XIRP2: variants seen among roughly 807,000 people sequenced by gnomAD.
XIRP2 encodes the protein xin actin-binding repeat-containing protein 2.
Under a neutral mutation model 277.0 loss-of-function variants are expected in XIRP2, and 236 were observed. The ratio of observed to expected loss-of-function variants is 0.85; its 90% CI spans 0.77 to 0.95. The LOEUF (loss-of-function observed/expected upper bound fraction) is 0.95. Ranked by LOEUF, XIRP2 falls within the 40% of genes least tolerant of loss-of-function variation. The pLI, the probability that XIRP2 is intolerant of heterozygous loss-of-function variation, is 0.00. For missense variants in XIRP2, 4,640 were observed against 4,157.5 expected (o/e 1.12, Z -3.19); for synonymous variants, 1,490 against 1,416.5 (o/e 1.05, Z -1.17).
At chr2:167,007,087 G>T (rs1687524028) in intron 2 of XIRP2, among the ~76,000 whole-genome samples, 1 of 151,526 alleles carries the variant, frequency 6.6e-6, no homozygotes, top group South Asian at 2.1e-4. Context: ...TCTCTTATTT[G>T]CAAATCTTTT....
chr2:167,039,373 G>T (rs1389186999), intron 2 of XIRP2, among the ~76,000 whole-genome samples: 4 of 152,108 alleles, frequency 2.6e-5, no homozygotes, highest in Non-Finnish European at 5.9e-5. Flanking sequence ...CACTCTGCTA[G>T]GCATTGCTGT....
intron 2 of XIRP2, among the ~76,000 whole-genome samples, chr2:166,915,376 C>G (rs891180612): frequency 1.3e-5 from 2 of 150,560 alleles, no homozygotes; most frequent in Non-Finnish European, 3.0e-5. Flanking sequence ...GTGGGATACA[C>G]TTGCTTCAAT....
intron 2 of XIRP2, among the ~76,000 whole-genome samples, chr2:166,955,627 A>G (rs904747996): frequency 1.3e-5 from 2 of 151,874 alleles, no homozygotes; most frequent in African/African-American, 4.8e-5. Flanking sequence ...GCGTAGTTTG[A>G]ATAGTTGCCG....
At chr2:167,257,757 TAA>T (rs1695700936) in intron 10 of XIRP2, 98 bp from the exon 11 acceptor site, 3 of 1,234,580 alleles carry the variant, frequency 2.4e-6, no homozygotes, top group Admixed American at 2.8e-5. Context: ...GCTAGTAACT[TAA>T]GTTTACTAGT....
At chr2:167,058,601 G>C (rs2105236947) in intron 2 of XIRP2, among the ~76,000 whole-genome samples, 1 of 152,216 alleles carries the variant, frequency 6.6e-6, no homozygotes, top group Non-Finnish European at 1.5e-5. Context: ...TCTCACCACT[G>C]GTGCCTCTCC....
chr2:166,971,590 C>A (rs986307148), intron 2 of XIRP2, among the ~76,000 whole-genome samples: 1 of 151,848 alleles, frequency 6.6e-6, no homozygotes, highest in Non-Finnish European at 1.5e-5. Context: ...ATAATTAGTT[C>A]TTTTTTGAAT....
At chr2:167,089,008 G>A (rs977801974) in intron 2 of XIRP2, among the ~76,000 whole-genome samples, 4 of 152,122 alleles carry the variant, frequency 2.6e-5, no homozygotes, top group African/African-American at 9.7e-5. Context: ...CTCAACAAAT[G>A]TTTGGTAAAT....
chr2:167,252,727 A>G (rs866549200), intron 9 of XIRP2, among the ~76,000 whole-genome samples: 1 of 152,112 alleles, frequency 6.6e-6, no homozygotes, highest in Non-Finnish European at 1.5e-5. Flanking sequence ...ATGAGGCTTC[A>G]TGATAAAAGA....
chr2:167,110,327 T>C (rs1286016655), intron 2 of XIRP2, among the ~76,000 whole-genome samples: 1 of 152,208 alleles, frequency 6.6e-6, no homozygotes, highest in Non-Finnish European at 1.5e-5. Flanking sequence ...CTTTAATCCA[T>C]CTGGAGTTGA....
At chr2:166,950,772 T>C (rs1207107791) in intron 2 of XIRP2, among the ~76,000 whole-genome samples, 1 of 152,054 alleles carries the variant, frequency 6.6e-6, no homozygotes, top group Non-Finnish European at 1.5e-5. Context: ...TGATTTCTTC[T>C]TGTTGTTATG....
chr2:167,134,732 CACA>C (rs1691491682), intron 2 of XIRP2, among the ~76,000 whole-genome samples: 1 of 152,076 alleles, frequency 6.6e-6, no homozygotes, highest in Non-Finnish European at 1.5e-5. Flanking sequence ...GTAAGAGATT[CACA>C]ACAATAACTC....
chr2:167,110,873 T>C (rs1003573564), intron 2 of XIRP2, among the ~76,000 whole-genome samples: 1 of 152,086 alleles, frequency 6.6e-6, no homozygotes, highest in Admixed American at 6.6e-5. Flanking sequence ...ATTATCATTA[T>C]GGAGAAATTT....
chr2:166,986,480 C>T (rs565496350), intron 2 of XIRP2, among the ~76,000 whole-genome samples: 3 of 152,244 alleles, frequency 2.0e-5, no homozygotes, highest in East Asian at 1.9e-4. Context: ...TGTTGCTAGC[C>T]GCATAGCTAT....
chr2:166,996,676 G>GAATAGATATATATAGA (rs1687230034), intron 2 of XIRP2, among the ~76,000 whole-genome samples: 1 of 152,088 alleles, frequency 6.6e-6, no homozygotes, highest in Non-Finnish European at 1.5e-5. Context: ...CATTTTTTCA[G>GAATAGATATATATAGA]TATGTTTCAG....
intron 2 of XIRP2, among the ~76,000 whole-genome samples, chr2:167,041,302 C>T (rs967671575): frequency 1.3e-5 from 2 of 152,306 alleles, no homozygotes; most frequent in African/African-American, 2.4e-5. Flanking sequence ...ACTAGCTCCC[C>T]AGCAATGGTT....
chr2:167,117,983 C>T (rs557910964), intron 2 of XIRP2, among the ~76,000 whole-genome samples: 1 of 152,298 alleles, frequency 6.6e-6, no homozygotes, highest in South Asian at 2.1e-4. Flanking sequence ...AAAAACCACA[C>T]TTGACATTCT....
At chr2:167,211,399 A>G (rs1694042809) in intron 4 of XIRP2, among the ~76,000 whole-genome samples, 1 of 152,088 alleles carries the variant, frequency 6.6e-6, no homozygotes, top group Admixed American at 6.6e-5. Flanking sequence ...CCAGCCCTGA[A>G]CTACTATCTT....
intron 2 of XIRP2, among the ~76,000 whole-genome samples, chr2:167,012,553 A>G (rs930880504): frequency 6.6e-6 from 1 of 151,686 alleles, no homozygotes; most frequent in African/African-American, 2.4e-5. Flanking sequence ...TCTACACTTA[A>G]GAGCCTTTCT....
intron 2 of XIRP2, among the ~76,000 whole-genome samples, chr2:166,939,221 G>C (rs1468182221): frequency 1.3e-5 from 2 of 152,124 alleles, no homozygotes; most frequent in Non-Finnish European, 2.9e-5. Flanking sequence ...TTTTTGCAGT[G>C]GCTGGTACTG....
Sources: gnomAD v4.1 joint callset for allele counts (sites outside exome capture counted in the v4.1 genomes callset) on GRCh38, gnomAD v4.1.1 for gene constraint, MANE v1.5 for transcripts, NCBI Gene and HGNC (gene_info 2026-07-23, HGNC 2026-07-21) for gene names.